The following CAPN7 variants were observed in gnomAD, a reference collection of about 807,000 sequenced individuals.
The protein encoded by CAPN7 is calpain 7.
CAPN7 carries 72 observed loss-of-function variants against 115.2 expected under a neutral mutation model. The observed-to-expected ratio is 0.63, with a 90% CI of 0.52 to 0.76. CAPN7 has a LOEUF of 0.76. Ranked by LOEUF, CAPN7 falls within the 30% of genes least tolerant of loss-of-function variation. The pLI is 0.00. For synonymous variants in CAPN7, 344 were observed against 322.3 expected, an observed-to-expected ratio of 1.07 and a Z score of -0.72; for missense variants, 905 against 971.5, an observed-to-expected ratio of 0.93 and a Z score of 0.91.
intron 8 of CAPN7, among the ~76,000 whole-genome samples, chr3:15,229,560 T>C (rs78922268): frequency 6.1e-5 from 7 of 115,684 alleles, no homozygotes; most frequent in African/African-American, 3.6e-4. Flanking sequence ...TTACTTTTTT[T>C]CTTTTTTTTT....
intron 18 of CAPN7, 78 bp from the exon 19 acceptor site, chr3:15,247,249 T>TTG: frequency 9.7e-7 from 1 of 1,032,918 alleles, no homozygotes; most frequent in African/African-American, 1.7e-5. Flanking sequence ...TTTTTTTTTT[T>TTG]GAGATGGAAA....
Position 15,251,202 on chromosome 3 carries a change from G to T in CAPN7, c.2384G>T (p.Gly795Val), listed in dbSNP as rs375937176. The change falls in exon 21 of 21, where the codon GGA (glycine) becomes GTA (valine). Residue 795 changes from glycine (G) to valine (V), a missense_variant. Physicochemically the swap from Gly to Val is moderately radical, Grantham distance 109 (BLOSUM62 -3). Transcript: ENST00000253693. ...AGTACCTTTTTGCCTAAACAAGAAG[G>T]ACCTTTTTTCTTGGACTTTAATAGT... ...IPSTFLPKQE[G>V]PFFLDFNSII... The T allele has an allele frequency of 6.2e-7, 1 of 1,610,364 alleles. No individual in the cohort carries two copies. The highest frequency in any genetic ancestry group is 8.5e-7 in the Non-Finnish European group (1 of 1,178,136).
chr3:15,242,119 GAAAAT>G, intron 15 of CAPN7, 54 bp from the exon 16 acceptor site: 1 of 1,112,182 alleles, frequency 9.0e-7, no homozygotes, highest in Non-Finnish European at 1.3e-6. Flanking sequence ...GATTTAAAAA[GAAAAT>G]AAATAGCATT....
intron 16 of CAPN7, among the ~76,000 whole-genome samples, chr3:15,242,909 C>G (rs969705826): frequency 2.0e-5 from 3 of 152,120 alleles, no homozygotes; most frequent in African/African-American, 7.2e-5. Context: ...TCTTAAGGCT[C>G]TGGAGAATAG....
At chr3:15,234,150 C>T (rs1694852819) in intron 11 of CAPN7, among the ~76,000 whole-genome samples, 177 bp downstream of exon 11, 2 of 152,112 alleles carry the variant, frequency 1.3e-5, no homozygotes, top group South Asian at 4.1e-4. Flanking sequence ...AACCCCATCT[C>T]TACTAAAAAT....
chr3:15,206,626 A>C, intron 1 of CAPN7, 29 bp downstream of exon 1: 2 of 1,505,354 alleles, frequency 1.3e-6, no homozygotes, highest in Non-Finnish European at 1.8e-6. Context: ...CTTCGGTCGG[A>C]GTTGCTCAGT....
At chr3:15,223,040 C>G (rs1415434074) in intron 5 of CAPN7, among the ~76,000 whole-genome samples, 2 of 152,206 alleles carry the variant, frequency 1.3e-5, no homozygotes, top group African/African-American at 4.8e-5. Flanking sequence ...TAGCTGATAT[C>G]TATGACACTT....
chr3:15,246,646 T>G lies in CAPN7; in HGVS notation c.2011-86T>G. On this transcript the variant is annotated intron_variant, in intron 17 of 20. Coordinates refer to ENST00000253693, the MANE Select transcript of CAPN7 (RefSeq NM_014296.3). ...TAATGACTTGTGTATGCCAACTGAT[T>G]TTTTTAGTCTTCCAATATATTCATG... 3 of 982,240 alleles carry G rather than the reference T, an allele frequency of 3.1e-6. No homozygotes were observed. The South Asian group carries it at 4.2e-5, about 14-fold the overall frequency. 60.8% of individuals were successfully genotyped at this position (982,240 alleles called of 1,614,324 possible).
chr3:15,248,305 A>G (rs555695848), intron 19 of CAPN7, among the ~76,000 whole-genome samples: 2 of 152,380 alleles, frequency 1.3e-5, no homozygotes, highest in African/African-American at 4.8e-5. Context: ...ATTTAAGATT[A>G]TAATATAGTC....
At chr3:15,210,012 T>C (rs569612005) in intron 1 of CAPN7, among the ~76,000 whole-genome samples, 40 of 152,326 alleles carry the variant, frequency 2.6e-4, no homozygotes, top group Non-Finnish European at 4.1e-4. Context: ...CTTTATTTTA[T>C]TTTTCAGAGA....
intron 6 of CAPN7, among the ~76,000 whole-genome samples, chr3:15,226,220 C>T (rs1017656990): frequency 2.0e-5 from 3 of 151,988 alleles, no homozygotes; most frequent in Non-Finnish European, 4.4e-5. Context: ...GGATTACAGG[C>T]GCCCACCACA....
chr3:15,211,415 C>A (rs190645281), intron 1 of CAPN7, among the ~76,000 whole-genome samples: 31 of 152,216 alleles, frequency 2.0e-4, no homozygotes, highest in African/African-American at 7.0e-4. Context: ...ATAATCAGTT[C>A]CTTATGCGTG....
intron 1 of CAPN7, 33 bp from the exon 2 acceptor site, chr3:15,212,071 C>T (rs2044985941): frequency 1.5e-6 from 2 of 1,363,578 alleles, no homozygotes; most frequent in Non-Finnish European, 2.0e-6. Context: ...TGTAATACAT[C>T]TATTGGATTC....
At chr3:15,238,541 T>C (rs1282052239) in intron 12 of CAPN7, among the ~76,000 whole-genome samples, 1 of 152,212 alleles carries the variant, frequency 6.6e-6, no homozygotes, top group African/African-American at 2.4e-5. Flanking sequence ...ATTGGTGACT[T>C]TCTTCACTTA....
chr3:15,232,503 T>C lies in CAPN7; in HGVS notation c.1033-16T>C, dbSNP rs145289351. 541 of 1,589,682 alleles carry C rather than the reference T, an allele frequency of 3.4e-4. 2 individuals carry two copies. The African/African-American group carries it at 5.1e-3, about 15-fold the overall frequency. ...TATTTTGTGCACCTAAGAAGGTTAA[T>C]GTTCTCTTTCTCCAGGTGATAATTG... On this transcript the variant is annotated splice_polypyrimidine_tract_variant and intron_variant, in intron 9 of 20. Coordinates refer to ENST00000253693, the MANE Select transcript of CAPN7 (RefSeq NM_014296.3).
intron 7 of CAPN7, 94 bp from the exon 8 acceptor site, chr3:15,228,880 A>G (rs1559398159): frequency 8.9e-6 from 8 of 895,692 alleles, no homozygotes; most frequent in Non-Finnish European, 1.4e-5. Context: ...GATATTTAGT[A>G]TAAAAAGTAG....
chr3:15,223,410 A>G (rs1469952223), intron 5 of CAPN7, 65 bp from the exon 6 acceptor site: 28 of 962,398 alleles, frequency 2.9e-5, no homozygotes, highest in Non-Finnish European at 3.9e-5. Flanking sequence ...AATTTTAAAG[A>G]GTTGAAATAA....
chr3:15,213,879 A>AT (rs113975216), intron 2 of CAPN7, among the ~76,000 whole-genome samples: 3,708 of 137,432 alleles, frequency 0.027, 140 homozygotes, highest in African/African-American at 0.081. Flanking sequence ...TTCAAAAAGG[A>AT]TTTTTTTTTT....
At chr3:15,235,337 G>T (rs1559403803) in intron 12 of CAPN7, among the ~76,000 whole-genome samples, 192 bp downstream of exon 12, 4 of 152,132 alleles carry the variant, frequency 2.6e-5, no homozygotes, top group Non-Finnish European at 5.9e-5. Flanking sequence ...GAAATCATAG[G>T]GATGGCACAG....
Sources: gnomAD v4.1 joint callset for allele counts (sites outside exome capture counted in the v4.1 genomes callset) on GRCh38, gnomAD v4.1.1 for gene constraint, MANE v1.5 for transcripts, NCBI Gene and HGNC (gene_info 2026-07-23, HGNC 2026-07-21) for gene names.